Variants in APP observed in about 807,000 individuals in gnomAD.
APP encodes amyloid-beta precursor protein.
APP carries 31 observed loss-of-function variants against 101.4 expected under a neutral mutation model. The observed-to-expected ratio is 0.31, with a 90% CI of 0.23 to 0.41. The LOEUF (loss-of-function observed/expected upper bound fraction) is 0.41. APP is among the 10% of genes least tolerant of loss of function. APP has a pLI of 1.00. For synonymous variants in APP, 366 were observed against 364.4 expected (o/e 1.00, Z -0.05); for missense variants, 839 against 1,003.7 (o/e 0.84, Z 2.22).
intron 1 of APP, among the ~76,000 whole-genome samples, chr21:26,115,399 C>G (rs1269890041): frequency 6.6e-6 from 1 of 152,190 alleles, no homozygotes; most frequent in East Asian, 1.9e-4. Context: ...GAACCAGAAA[C>G]CTTCCTATTC....
chr21:26,000,799 T>C (rs954319728), intron 6 of APP, among the ~76,000 whole-genome samples: 1 of 151,958 alleles, frequency 6.6e-6, no homozygotes, highest in Non-Finnish European at 1.5e-5. Context: ...TGTACTAATA[T>C]AAATGGTCTT....
intron 11 of APP, among the ~76,000 whole-genome samples, chr21:25,964,759 C>A (rs2041725323): frequency 6.6e-6 from 1 of 151,998 alleles, no homozygotes; most frequent in South Asian, 2.1e-4. Context: ...CGCCACCATG[C>A]CCAGCTAATT....
intron 1 of APP, among the ~76,000 whole-genome samples, chr21:26,169,005 GAA>G (rs994483249): frequency 2.0e-5 from 3 of 152,178 alleles, no homozygotes; most frequent in Non-Finnish European, 4.4e-5. Flanking sequence ...GAGGCTGGGG[GAA>G]AAGAGGGGAA....
chr21:26,061,199 G>C (rs1196421675), intron 3 of APP, among the ~76,000 whole-genome samples: 1 of 152,166 alleles, frequency 6.6e-6, no homozygotes, highest in Non-Finnish European at 1.5e-5. Context: ...AATCTAGCTT[G>C]TTTCTATTCC....
At chr21:26,045,854 T>G (rs774023472) in intron 5 of APP, among the ~76,000 whole-genome samples, 6 of 152,150 alleles carry the variant, frequency 3.9e-5, no homozygotes, top group Non-Finnish European at 7.4e-5. Context: ...ATGTTGCCGA[T>G]AAAGGCATAC....
At chr21:25,964,690 ACCC>A in intron 11 of APP, among the ~76,000 whole-genome samples, 1 of 149,216 alleles carries the variant, frequency 6.7e-6, no homozygotes, top group East Asian at 2.0e-4. Flanking sequence ...CCTCACTGCA[ACCC>A]GGGTTCAAGC....
intron 1 of APP, among the ~76,000 whole-genome samples, chr21:26,164,746 C>T (rs976092571): frequency 4.0e-5 from 6 of 151,822 alleles, no homozygotes; most frequent in Non-Finnish European, 8.8e-5. Flanking sequence ...GTCCCAGCTA[C>T]TCAGGAGGCT....
chr21:26,093,886 C>T (rs1285472161), intron 2 of APP, among the ~76,000 whole-genome samples: 1 of 152,048 alleles, frequency 6.6e-6, no homozygotes, highest in Non-Finnish European at 1.5e-5. Flanking sequence ...GAGGCCGAGG[C>T]GGGCGGCTCA....
chr21:25,885,520 A>C (rs1388358048), intron 17 of APP, among the ~76,000 whole-genome samples: 1 of 152,174 alleles, frequency 6.6e-6, no homozygotes, highest in East Asian at 1.9e-4. Context: ...GAAGACACAC[A>C]TACATACAAC....
intron 7 of APP, among the ~76,000 whole-genome samples, chr21:25,998,197 G>A (rs984935332): frequency 6.6e-6 from 1 of 152,142 alleles, no homozygotes; most frequent in Admixed American, 6.5e-5. Flanking sequence ...GAAAAAAGTT[G>A]CAAATCTGCC....
chr21:25,926,965 T>G (rs1265151771), intron 13 of APP, among the ~76,000 whole-genome samples: 2 of 116,184 alleles, frequency 1.7e-5, no homozygotes, highest in Non-Finnish European at 3.2e-5. Context: ...ATCGCGCCAC[T>G]GCACTCCAGT....
intron 13 of APP, among the ~76,000 whole-genome samples, chr21:25,915,903 A>G (rs1479456582): frequency 6.6e-6 from 1 of 152,196 alleles, no homozygotes; most frequent in Non-Finnish European, 1.5e-5. Context: ...ATTTTCAGAA[A>G]ATGTAAGTGA....
intron 1 of APP, among the ~76,000 whole-genome samples, chr21:26,160,747 TCTA>T (rs749892877): frequency 6.1e-4 from 93 of 152,320 alleles, no homozygotes; most frequent in Admixed American, 1.5e-3. Flanking sequence ...CTTTCCAAAC[TCTA>T]CTAACTTCTT....
intron 17 of APP, among the ~76,000 whole-genome samples, chr21:25,888,312 A>G (rs2037472739): frequency 6.6e-6 from 1 of 152,096 alleles, no homozygotes; most frequent in Non-Finnish European, 1.5e-5. Flanking sequence ...GCTAAGAAAA[A>G]TGGTGCTCTG....
intron 17 of APP, among the ~76,000 whole-genome samples, chr21:25,891,258 A>C (rs781488178): frequency 4.0e-5 from 6 of 151,850 alleles, no homozygotes; most frequent in Non-Finnish European, 8.8e-5. Flanking sequence ...GAAAAGTCAC[A>C]TTATTTACTA....
At chr21:26,116,125 C>A (rs1352245358) in intron 1 of APP, among the ~76,000 whole-genome samples, 1 of 152,088 alleles carries the variant, frequency 6.6e-6, no homozygotes. Flanking sequence ...GTGTTCCTGA[C>A]AATGAACAAA....
chr21:26,024,191 A>G (rs995735673), intron 5 of APP, among the ~76,000 whole-genome samples: 5 of 152,302 alleles, frequency 3.3e-5, no homozygotes, highest in Middle Eastern at 3.4e-3. Flanking sequence ...AATACAGGAG[A>G]AAGACCTAGA....
intron 6 of APP, among the ~76,000 whole-genome samples, chr21:26,001,902 G>A (rs1179704474): frequency 1.5e-4 from 1 of 6,752 alleles, no homozygotes; most frequent in East Asian, 4.1e-3. Flanking sequence ...CAGTAACTCA[G>A]AGGGGATATG....
chr21:26,056,914 AC>A (rs769218149), intron 3 of APP, among the ~76,000 whole-genome samples: 1 of 152,236 alleles, frequency 6.6e-6, no homozygotes, highest in Non-Finnish European at 1.5e-5. Flanking sequence ...AAGCGATTCA[AC>A]CACAAAAATC....
Sources: gnomAD v4.1 joint callset for allele counts (sites outside exome capture counted in the v4.1 genomes callset) on GRCh38, gnomAD v4.1.1 for gene constraint, MANE v1.5 for transcripts, NCBI Gene and HGNC (gene_info 2026-07-23, HGNC 2026-07-21) for gene names.